The following WDR41 variants were observed in gnomAD, a reference collection of about 807,000 sequenced individuals.
WDR41 encodes the protein WD repeat-containing protein 41.
A neutral mutation model predicts 69.3 loss-of-function variants in WDR41; 63 were observed. The observed-to-expected ratio is 0.91, with a 90% CI of 0.74 to 1.12. The LOEUF (loss-of-function observed/expected upper bound fraction) is 1.12. WDR41 is among the 50% of genes most tolerant of loss of function. WDR41 has a pLI of 0.00. For missense variants in WDR41, 543 were observed against 534.5 expected (o/e 1.02, Z -0.16); for synonymous variants, 185 against 192.1 (o/e 0.96, Z 0.31).
intron 1 of WDR41, among the ~76,000 whole-genome samples, chr5:77,600,476 TG>T (rs1344575165): frequency 6.6e-6 from 1 of 152,176 alleles, no homozygotes; most frequent in Non-Finnish European, 1.5e-5. Flanking sequence ...AGGGGATTTT[TG>T]GAGGTGATAA....
chr5:77,518,642 A>G (rs1802327840), intron 1 of WDR41, among the ~76,000 whole-genome samples: 1 of 152,034 alleles, frequency 6.6e-6, no homozygotes, highest in African/African-American at 2.4e-5. Flanking sequence ...GAAAAATACT[A>G]TTTTCTTAAT....
intron 2 of WDR41, among the ~76,000 whole-genome samples, chr5:77,470,905 T>A (rs1800567513): frequency 6.6e-6 from 1 of 152,114 alleles, no homozygotes; most frequent in Admixed American, 6.6e-5. Flanking sequence ...GGAATTGAAC[T>A]TAGCTCTGCA....
chr5:77,614,472 A>C (rs188103360), intron 1 of WDR41, among the ~76,000 whole-genome samples: 16,374 of 150,800 alleles, frequency 0.11, 907 homozygotes, highest in East Asian at 0.2. Context: ...AGCCATAAAA[A>C]ATGATGAGTT....
At chr5:77,495,648 G>A (rs1346988313), upstream of WDR41, among the ~76,000 whole-genome samples, 6 of 151,940 alleles carry the variant, frequency 3.9e-5, no homozygotes, top group African/African-American at 7.2e-5. Flanking sequence ...AAAAAGTGAA[G>A]TCCTGGACCA....
At chr5:77,448,696 C>T (rs370221165) in intron 8 of WDR41, among the ~76,000 whole-genome samples, 8 of 152,008 alleles carry the variant, frequency 5.3e-5, no homozygotes, top group African/African-American at 1.9e-4. Context: ...GGAGAAACCC[C>T]GTCTCTACTA....
chr5:77,437,503 G>C, intron 10 of WDR41, 79 bp from the exon 11 acceptor site: 1 of 1,241,216 alleles, frequency 8.1e-7, no homozygotes, highest in Non-Finnish European at 1.2e-6. Context: ...AAAGAAATCA[G>C]TGGAGCCCTC....
At chr5:77,576,832 T>C (rs1195582764) in intron 1 of WDR41, among the ~76,000 whole-genome samples, 1 of 152,182 alleles carries the variant, frequency 6.6e-6, no homozygotes, top group Admixed American at 6.5e-5. Flanking sequence ...ATAACGTCAC[T>C]CTCAGACCAA....
chr5:77,468,931 G>C (rs905033994), intron 2 of WDR41, among the ~76,000 whole-genome samples: 1 of 151,724 alleles, frequency 6.6e-6, no homozygotes, highest in Non-Finnish European at 1.5e-5. Context: ...CTATGGTTTT[G>C]TTCTCCATCT....
At chr5:77,500,912 G>A (rs1802007823) in intron 1 of WDR41, among the ~76,000 whole-genome samples, 1 of 152,222 alleles carries the variant, frequency 6.6e-6, no homozygotes, top group African/African-American at 2.4e-5. Context: ...GAGGTTCCAA[G>A]ATGGACAAAT....
chr5:77,587,882 C>A (rs917551939), intron 1 of WDR41, among the ~76,000 whole-genome samples: 4 of 152,176 alleles, frequency 2.6e-5, no homozygotes, highest in Non-Finnish European at 5.9e-5. Flanking sequence ...GAAGAAGCAG[C>A]TAGAGCGCCA....
Position 77,436,384 on chromosome 5 carries a change from G to A in WDR41, c.1104C>T (p.Asn368=), listed in dbSNP as rs138249965. 24 of 1,613,514 alleles carry A rather than the reference G, an allele frequency of 1.5e-5. No individual in the cohort carries two copies. The highest frequency in any genetic ancestry group is 3.3e-4 in the Middle Eastern group (2 of 6,060). The change falls in exon 12 of 13, where the codon AAC becomes AAT. Residue 368 remains asparagine, a synonymous_variant. Coordinates refer to ENST00000296679, the MANE Select transcript of WDR41 (RefSeq NM_018268.4). ...AAEPVPTGFF[N]MWGFGRVSKQ... ...TGCTGACTCTTCCAAATCCCCACAT[G>A]TTAAAAAAACCTAGAAAAAGAATCA...
intron 7 of WDR41, among the ~76,000 whole-genome samples, chr5:77,450,791 G>A (rs181622489): frequency 3.9e-5 from 6 of 152,246 alleles, no homozygotes; most frequent in African/African-American, 1.4e-4. Flanking sequence ...TTCAAATTAC[G>A]AAAGTATCTT....
chr5:77,461,272 TAATC>T, intron 4 of WDR41, among the ~76,000 whole-genome samples: 1 of 152,346 alleles, frequency 6.6e-6, no homozygotes, highest in South Asian at 2.1e-4. Flanking sequence ...CATTGTATCA[TAATC>T]ACACACAAAC....
intron 1 of WDR41, among the ~76,000 whole-genome samples, chr5:77,613,581 T>G (rs1483715202): frequency 6.6e-6 from 1 of 152,172 alleles, no homozygotes; most frequent in East Asian, 1.9e-4. Context: ...CTGGGAAAAC[T>G]GGCTAGCCAT....
At chr5:77,469,806 TG>T (rs1385145684) in intron 2 of WDR41, among the ~76,000 whole-genome samples, 1 of 152,124 alleles carries the variant, frequency 6.6e-6, no homozygotes, top group Non-Finnish European at 1.5e-5. Flanking sequence ...GTCTGATTGG[TG>T]TAACTGAAAG....
chr5:77,479,217 G>T (rs1476820790), intron 2 of WDR41, among the ~76,000 whole-genome samples: 1 of 151,692 alleles, frequency 6.6e-6, no homozygotes, highest in Non-Finnish European at 1.5e-5. Flanking sequence ...TGGGTAGGAA[G>T]AATCAGTACC....
At chr5:77,492,466 G>C, upstream of WDR41, 1 of 439,740 alleles carries the variant, frequency 2.3e-6, no homozygotes, top group Non-Finnish European at 3.9e-6. Context: ...GGCCGACGGC[G>C]GGGGCGGCTG....
At chr5:77,564,294 C>A (rs1238296580) in intron 1 of WDR41, among the ~76,000 whole-genome samples, 3 of 152,154 alleles carry the variant, frequency 2.0e-5, no homozygotes, top group Non-Finnish European at 4.4e-5. Flanking sequence ...CGGCTCATTC[C>A]TGTAATCTCA....
chr5:77,459,881 C>G (rs1255041322), intron 4 of WDR41, among the ~76,000 whole-genome samples: 1 of 152,044 alleles, frequency 6.6e-6, no homozygotes, highest in East Asian at 1.9e-4. Flanking sequence ...TAGTTATGTC[C>G]CACAATAAAC....
Sources: allele counts gnomAD v4.1 joint callset (sites outside exome capture counted in the v4.1 genomes callset), GRCh38; gene constraint gnomAD v4.1.1; transcripts MANE v1.5; gene names NCBI Gene and HGNC (gene_info 2026-07-23, HGNC 2026-07-21).